DNAH17: variants seen among roughly 807,000 people sequenced by gnomAD.
DNAH17 encodes dynein axonemal heavy chain 17.
A neutral mutation model predicts 485.6 loss-of-function variants in DNAH17; 376 were observed. The observed-to-expected ratio is 0.77, with a 90% CI of 0.71 to 0.84. The LOEUF (loss-of-function observed/expected upper bound fraction) is 0.84. DNAH17 is among the 40% of genes least tolerant of loss of function. The pLI is 0.00. For missense variants in DNAH17, 6,370 were observed against 5,839.3 expected (o/e 1.09, Z -2.96); for synonymous variants, 3,031 against 2,405.9 (o/e 1.26, Z -7.60).
chr17:78,489,839 A>G (rs1416746856), intron 44 of DNAH17, among the ~76,000 whole-genome samples: 5 of 89,856 alleles, frequency 5.6e-5, no homozygotes, highest in South Asian at 3.7e-4. Context: ...GGGTGAATGG[A>G]TGGGTGAGTG....
intron 25 of DNAH17, among the ~76,000 whole-genome samples, chr17:78,517,078 T>C (rs1428377524): frequency 6.6e-6 from 1 of 152,262 alleles, no homozygotes. Context: ...TCACTCACTC[T>C]GTCGCCCAGG....
At chr17:78,528,743 C>T (rs1435898592) in intron 22 of DNAH17, among the ~76,000 whole-genome samples, 2 of 152,224 alleles carry the variant, frequency 1.3e-5, no homozygotes, top group Non-Finnish European at 1.5e-5. Context: ...CCAGCCTGCA[C>T]ACACCCCTCC....
intron 2 of DNAH17, among the ~76,000 whole-genome samples, chr17:78,574,212 G>A (rs1009410923): frequency 4.6e-5 from 7 of 152,138 alleles, no homozygotes; most frequent in African/African-American, 1.7e-4. Flanking sequence ...GTCTGTGGCC[G>A]GGCATGATGG....
At chr17:78,523,513 A>T (rs2090987075) in intron 25 of DNAH17, among the ~76,000 whole-genome samples, 1 of 151,930 alleles carries the variant, frequency 6.6e-6, no homozygotes, top group Admixed American at 6.6e-5. Context: ...TAACTGGATT[A>T]AAAAAACTTA....
At position 78,551,562 on chromosome 17, in the gene DNAH17, A is replaced by C. The variant is rs765794119; in HGVS notation, c.2364T>G (p.Asn788Lys). The change falls in exon 16 of 81, where the codon AAT becomes AAG. Residue 788 changes from asparagine (N) to lysine (K), a missense_variant. Physicochemically the swap from Asn to Lys is moderately conservative, Grantham distance 94. Transcript: ENST00000389840. ...LQNRMQKAKQNIEGISQAMKD... is the reference protein window; with the variant it reads ...LQNRMQKAKQKIEGISQAMKD... ...TCATAGCCTGGGAAATTCCTTCTAT[A>C]TTTTGTTTTGCCTTTTGCATCCTGT... is the stretch of plus-strand genomic sequence containing the variant. The C allele has an allele frequency of 6.2e-6, 10 of 1,613,788 alleles. No individual in the cohort carries two copies. The Admixed American group carries it at 1.0e-4, about 16-fold the overall frequency.
intron 44 of DNAH17, among the ~76,000 whole-genome samples, chr17:78,490,320 G>A (rs2089792995): frequency 6.6e-6 from 1 of 152,150 alleles, no homozygotes; most frequent in Non-Finnish European, 1.5e-5. Context: ...CTGTGAACGC[G>A]GGTTCTTGTC....
intron 44 of DNAH17, among the ~76,000 whole-genome samples, chr17:78,488,123 T>C (rs2089693237): frequency 6.6e-6 from 1 of 152,252 alleles, no homozygotes. Context: ...AAATTTGTGA[T>C]GCTGCCTTGG....
chr17:78,423,801 G>A lies in DNAH17; in HGVS notation c.*105C>T, dbSNP rs72903323. 233,733 of 1,449,870 alleles carry A rather than the reference G, an allele frequency of 0.16. 19,903 individuals are homozygous for A. Among genetic ancestry groups the A allele is most frequent in the Middle Eastern group, 0.2 (981 of 4,872 alleles). The allele number at this position is 1,449,870 out of a possible 1,614,324, so 89.8% of individuals were successfully genotyped here. On this transcript the variant is annotated 3_prime_UTR_variant, in exon 81 of 81. Transcript: ENST00000389840. ...AAAGCACCTGATTATTTAAGAGAAC[G>A]AAAAACCACCACCAGTTCCTGTAAA...
Position 78,494,595 on chromosome 17 carries a change from T to C in DNAH17, c.6268A>G (p.Lys2090Glu). ...ACCTGAGACCCAGGAGTCCCGACCT[T>C]TTCAAAATTCAGGTCCCGTTTCCGA... ...VPRKRDLNFE[K>E]IIKQSIVELK... The change falls in exon 40 of 81, where the codon AAG becomes GAG. Residue 2090 changes from lysine to glutamate, a missense_variant and splice_region_variant. Lys to Glu is a moderately conservative substitution (Grantham distance 56, BLOSUM62 1). Transcript: ENST00000389840. 1.2e-6 allele frequency: 2 copies of C among 1,613,558 alleles called. No individual in the cohort carries two copies. The highest frequency in any genetic ancestry group is 1.7e-6 in the Non-Finnish European group (2 of 1,179,838).
intron 77 of DNAH17, among the ~76,000 whole-genome samples, chr17:78,427,566 A>G (rs892223079): frequency 4.6e-5 from 7 of 152,210 alleles, no homozygotes; most frequent in African/African-American, 1.4e-4. Context: ...CAGTCATTAG[A>G]CTAAGAGAAA....
chr17:78,514,472 T>C (rs2090721512), intron 26 of DNAH17, among the ~76,000 whole-genome samples: 1 of 125,248 alleles, frequency 8.0e-6, no homozygotes, highest in South Asian at 2.5e-4. Context: ...GCCACTGCAC[T>C]CCAACCTGGT....
chr17:78,558,335 T>A (rs1454176534), intron 13 of DNAH17, 81 bp from the exon 14 acceptor site: 1 of 1,504,050 alleles, frequency 6.6e-7, no homozygotes, highest in African/African-American at 1.4e-5. Flanking sequence ...AATGAGCATC[T>A]GCCCTGGGAT....
chr17:78,488,281 T>C (rs1297594983), intron 44 of DNAH17, among the ~76,000 whole-genome samples: 1 of 152,212 alleles, frequency 6.6e-6, no homozygotes, highest in African/African-American at 2.4e-5. Flanking sequence ...CCATCCTGGG[T>C]GCATCCGGCA....
At chr17:78,561,568 C>G (rs1024689858) in intron 12 of DNAH17, 147 bp downstream of exon 12, 1 of 982,132 alleles carries the variant, frequency 1.0e-6, no homozygotes, top group Admixed American at 3.1e-5. Context: ...GAGGGAGGAC[C>G]AGAAGGGGTC....
At chr17:78,455,912 A>C (rs2087775269) in intron 62 of DNAH17, 76 bp from the exon 63 acceptor site, 1 of 1,239,826 alleles carries the variant, frequency 8.1e-7, no homozygotes. Flanking sequence ...CCACCTCTGC[A>C]CCTCTGTGAA....
chr17:78,495,177 G>A, intron 38 of DNAH17, 80 bp from the exon 39 acceptor site: 1 of 1,468,338 alleles, frequency 6.8e-7, no homozygotes, highest in Non-Finnish European at 9.1e-7. Context: ...CTTCACCTAG[G>A]AGAGCACACC....
chr17:78,576,394 C>T (rs2092433378), intron 1 of DNAH17, among the ~76,000 whole-genome samples: 1 of 152,062 alleles, frequency 6.6e-6, no homozygotes, highest in Non-Finnish European at 1.5e-5. Context: ...AATATTTGGC[C>T]AGCAAATGGC....
intron 29 of DNAH17, 52 bp from the exon 30 acceptor site, chr17:78,506,898 T>C: frequency 1.2e-6 from 2 of 1,606,692 alleles, no homozygotes; most frequent in East Asian, 2.2e-5. Context: ...TCTGTAGGGA[T>C]GTCTGCCACC....
chr17:78,507,839 C>T lies in DNAH17; in HGVS notation c.4237-34G>A, dbSNP rs760947090. On this transcript the variant is annotated intron_variant, in intron 27 of 80. Transcript: ENST00000389840. ...GGAACAGAAAAATAAGGTCACTGAG[C>T]ATTTGGCATGCAAAGCTCAGGCAGG... 6 of 1,494,772 alleles carry T rather than the reference C, an allele frequency of 4.0e-6. No homozygotes were observed. The African/African-American group carries it at 6.9e-5, about 17-fold the overall frequency. The allele number at this position is 1,494,772 out of a possible 1,614,324, so 92.6% of individuals were successfully genotyped here. A position where few individuals can be genotyped will look rare whatever the true frequency, so the allele number is the denominator to read the frequency against.
Sources: gnomAD v4.1 joint callset for allele counts (sites outside exome capture counted in the v4.1 genomes callset) on GRCh38, gnomAD v4.1.1 for gene constraint, MANE v1.5 for transcripts, NCBI Gene and HGNC (gene_info 2026-07-23, HGNC 2026-07-21) for gene names.